CALU: variants seen among roughly 807,000 people sequenced by gnomAD.
The protein encoded by CALU is IEF SSP 9302.
CALU carries 13 observed loss-of-function variants against 37.5 expected under a neutral mutation model. That is an observed-to-expected ratio of 0.35 (90% CI 0.23 to 0.55). The LOEUF is 0.55. Ranked by LOEUF, CALU falls within the 20% of genes least tolerant of loss-of-function variation. The pLI is 0.89. For missense variants in CALU, 282 were observed against 391.7 expected (o/e 0.72, Z 2.36); for synonymous variants, 114 against 133.8 (o/e 0.85, Z 1.02).
rs1041850933 is a variant in CALU, at chr7:128,742,121, T to G, written c.-12+2689T>G. On this transcript the variant is annotated intron_variant, in intron 1 of 6. Coordinates refer to ENST00000249364, the MANE Select transcript of CALU (RefSeq NM_001219.5). Reference sequence around the variant, plus strand: ...ATAAATTATGTGTTGGTATCATGACTTTTATCAAATCATGAAGGATGCCAT... The same window carrying G: ...ATAAATTATGTGTTGGTATCATGACGTTTATCAAATCATGAAGGATGCCAT... 6.6e-5 allele frequency among the ~76,000 whole-genome samples: 10 copies of G among 152,354 alleles called. No homozygotes were observed. The East Asian group carries it at 9.6e-4, about 15-fold the overall frequency.
At chr7:128,745,088 G>A (rs1057174046) in intron 1 of CALU, among the ~76,000 whole-genome samples, 1 of 152,116 alleles carries the variant, frequency 6.6e-6, no homozygotes, top group African/African-American at 2.4e-5. Context: ...AATATTTGGG[G>A]TTGGCAAGAA....
Position 128,754,678 on chromosome 7 carries a change from T to A in CALU, c.415+223T>A, listed in dbSNP as rs760602920. On this transcript the variant is annotated intron_variant, in intron 3 of 6. Coordinates refer to ENST00000249364, the MANE Select transcript of CALU (RefSeq NM_001219.5). ...TTTGATATGAATCAAGACGGCTTAATCTCCTGGGATGAGTACAGAAACGTG... is the reference window on the plus strand; with the variant it reads ...TTTGATATGAATCAAGACGGCTTAAACTCCTGGGATGAGTACAGAAACGTG... The A allele has an allele frequency of 1.9e-6, 3 of 1,552,120 alleles. No homozygotes were observed. The African/African-American group carries it at 4.1e-5, about 21-fold the overall frequency.
At position 128,758,899 on chromosome 7, in the gene CALU, C is replaced by G; in HGVS notation, c.444C>G (p.Asn148Lys). ...ATCCAGATCCTGATGATGGATTTAA[C>G]TATAAACAGATGATGGTTAGAGATG... The part of the protein sequence containing the change: ...LDDPDPDDGF[N>K]YKQMMVRDER... Residue 148 changes from asparagine to lysine, a missense_variant, in exon 4 of 7, where the codon AAC becomes AAG. Coordinates refer to ENST00000249364, the MANE Select transcript of CALU (RefSeq NM_001219.5). 1 of 1,613,742 alleles carries G rather than the reference C, an allele frequency of 6.2e-7. No individual in the cohort carries two copies. The highest frequency in any genetic ancestry group is 1.1e-5 in the South Asian group (1 of 91,050).
At chr7:128,754,568 T>A in intron 3 of CALU, 113 bp downstream of exon 3, 1 of 1,553,420 alleles carries the variant, frequency 6.4e-7, no homozygotes, top group South Asian at 1.2e-5. Flanking sequence ...AAGATGGGTT[T>A]GTGACGGAGG....
Position 128,773,349 on chromosome 7 carries a change from G to T in CALU, c.*4182G>T, listed in dbSNP as rs943322435. On this transcript the variant is annotated 3_prime_UTR_variant, in exon 7 of 7. Coordinates refer to ENST00000249364, the MANE Select transcript of CALU (RefSeq NM_001219.5). ...GTGCAGGTTTGTTACATAGGTAAAC[G>T]TGTGCCATGGTGGTTTGCTGCACGA... Among the ~76,000 whole-genome samples, 2 of 152,118 alleles carry T rather than the reference G, an allele frequency of 1.3e-5. No homozygotes were observed. The highest frequency in any genetic ancestry group is 2.9e-5 in the Non-Finnish European group (2 of 68,030).
chr7:128,756,467 AG>A (rs1218952622), intron 3 of CALU, among the ~76,000 whole-genome samples: 2 of 152,168 alleles, frequency 1.3e-5, no homozygotes, highest in African/African-American at 4.8e-5. Flanking sequence ...GACAGCACTG[AG>A]GGGGTCATGA....
chr7:128,768,396 A>C (rs559033126), intron 6 of CALU, among the ~76,000 whole-genome samples: 1 of 152,320 alleles, frequency 6.6e-6, no homozygotes, highest in East Asian at 1.9e-4. Context: ...GAGAAAAGGA[A>C]ATGCATGTAG....
At chr7:128,762,583 A>C (rs1801164022) in intron 5 of CALU, among the ~76,000 whole-genome samples, 1 of 151,888 alleles carries the variant, frequency 6.6e-6, no homozygotes, top group South Asian at 2.1e-4. Context: ...AAAGAAAAAA[A>C]AAAACACCCA....
chr7:128,751,892 C>G (rs1000144053), intron 2 of CALU, among the ~76,000 whole-genome samples: 3 of 152,204 alleles, frequency 2.0e-5, no homozygotes, highest in Admixed American at 2.0e-4. Flanking sequence ...AAAGAAATAA[C>G]ATGAGGTGCA....
chr7:128,772,038 T>TATTTGGGGC lies in CALU; in HGVS notation c.*2872_*2880dup, dbSNP rs1031665436. On this transcript the variant is annotated 3_prime_UTR_variant, in exon 7 of 7. Transcript: ENST00000249364. ...TTATCCAAAAGTTCTTTCAAACTCA[T>TATTTGGGGC]ATTTGGGGCCACTGAGTTTTTTTTG... Among the ~76,000 whole-genome samples the TATTTGGGGC allele has an allele frequency of 5.9e-5, 9 of 151,328 alleles. No individual in the cohort carries two copies. The highest frequency in any genetic ancestry group is 2.9e-5 in the Non-Finnish European group (2 of 67,882).
intron 1 of CALU, chr7:128,747,441 C>G (rs970567009): frequency 1.3e-5 from 2 of 151,476 alleles, no homozygotes; most frequent in Admixed American, 1.3e-4. Context: ...TGCCCCCCAA[C>G]CCCCGCCCCC....
Position 128,772,386 on chromosome 7 carries a change from G to A in CALU, c.*3219G>A, listed in dbSNP as rs997844792. 1.2e-6 allele frequency: 1 copy of A among 862,378 alleles called. No homozygotes were observed. The highest frequency in any genetic ancestry group is 1.8e-6 in the Non-Finnish European group (1 of 542,364). The allele number at this position is 862,378 out of a possible 1,614,324, so 53.4% of individuals were successfully genotyped here. A position where few individuals can be genotyped will look rare whatever the true frequency, so the allele number is the denominator to read the frequency against. On this transcript the variant is annotated 3_prime_UTR_variant, in exon 7 of 7. Coordinates refer to ENST00000249364, the MANE Select transcript of CALU (RefSeq NM_001219.5). Reference sequence around the variant, plus strand: ...TAGCTTTGTAGGCAAGAAGGCAATAGTAAGAAAATGAAAAATTGACTCCCC... The same window carrying A: ...TAGCTTTGTAGGCAAGAAGGCAATAATAAGAAAATGAAAAATTGACTCCCC...
chr7:128,752,654 G>A (rs1341697310), intron 2 of CALU, among the ~76,000 whole-genome samples: 1 of 152,194 alleles, frequency 6.6e-6, no homozygotes, highest in African/African-American at 2.4e-5. Flanking sequence ...TTGTCCTTAT[G>A]TCTATGTAGA....
intron 6 of CALU, 28 bp downstream of exon 6, chr7:128,767,683 A>C: frequency 6.3e-7 from 1 of 1,575,206 alleles, no homozygotes; most frequent in South Asian, 1.1e-5. Context: ...CACACGCTCT[A>C]TCCTTGATTG....
intron 5 of CALU, among the ~76,000 whole-genome samples, chr7:128,765,076 A>AT (rs1421667855): frequency 2.6e-5 from 4 of 151,694 alleles, no homozygotes; most frequent in East Asian, 1.9e-4. Context: ...CACCCAGCTG[A>AT]TTTTTTTTAT....
chr7:128,772,769 T>C lies in CALU; in HGVS notation c.*3602T>C, dbSNP rs558800220. On this transcript the variant is annotated 3_prime_UTR_variant, in exon 7 of 7. Coordinates refer to ENST00000249364, the MANE Select transcript of CALU (RefSeq NM_001219.5). ...CTTGCACAATGCTTTGTACCCAGAA[T>C]GCCCTTAGGTGGTTTTGAATCTATC... 6.4e-5 allele frequency: 92 copies of C among 1,439,660 alleles called. No homozygotes were observed. The highest frequency in any genetic ancestry group is 8.4e-5 in the Non-Finnish European group (87 of 1,030,310). The allele number at this position is 1,439,660 out of a possible 1,614,324, so 89.2% of individuals were successfully genotyped here.
intron 5 of CALU, among the ~76,000 whole-genome samples, chr7:128,764,910 C>T (rs1306779487): frequency 6.6e-6 from 1 of 152,044 alleles, no homozygotes; most frequent in African/African-American, 2.4e-5. Context: ...TTACACGCAT[C>T]CTGTTTCTTC....
intron 1 of CALU, among the ~76,000 whole-genome samples, chr7:128,746,028 A>G (rs897027755): frequency 1.3e-5 from 2 of 152,128 alleles, no homozygotes; most frequent in Middle Eastern, 3.4e-3. Flanking sequence ...AGCTGGGGAG[A>G]TTGTTTAATT....
intron 5 of CALU, among the ~76,000 whole-genome samples, chr7:128,760,200 AAAAG>A (rs997497282): frequency 1.8e-4 from 27 of 152,318 alleles, no homozygotes; most frequent in African/African-American, 6.5e-4. Context: ...CTGTCTCAAA[AAAAG>A]AAAGAAAGAA....
Sources: allele counts gnomAD v4.1 joint callset (sites outside exome capture counted in the v4.1 genomes callset), GRCh38; gene constraint gnomAD v4.1.1; transcripts MANE v1.5; gene names NCBI Gene and HGNC (gene_info 2026-07-23, HGNC 2026-07-21).